The following RNF4 variants were observed in gnomAD, a reference collection of about 807,000 sequenced individuals.
RNF4 encodes E3 ubiquitin-protein ligase RNF4.
In RNF4, 7 loss-of-function variants were observed where a neutral mutation model predicts 24.3. The ratio of observed to expected loss-of-function variants is 0.29; its 90% CI spans 0.16 to 0.54. The LOEUF (loss-of-function observed/expected upper bound fraction) is 0.54. RNF4 is among the 20% of genes least tolerant of loss of function. The probability of loss-of-function intolerance (pLI) is 0.95; values close to 1 mark genes in which losing one functional copy is unlikely to be tolerated. For synonymous variants in RNF4, 83 were observed against 84.3 expected (o/e 0.98, Z 0.09); for missense variants, 209 against 248.5 (o/e 0.84, Z 1.07).
At chr4:2,510,679 C>T (rs559663400) in intron 4 of RNF4, among the ~76,000 whole-genome samples, 61 of 152,360 alleles carry the variant, frequency 4.0e-4, no homozygotes, top group African/African-American at 1.3e-3. Context: ...GCAGGATGTC[C>T]TGCCCAGGGG....
intron 1 of RNF4, among the ~76,000 whole-genome samples, chr4:2,483,896 G>A (rs919100543): frequency 5.9e-5 from 9 of 151,480 alleles, no homozygotes; most frequent in Admixed American, 1.3e-4. Flanking sequence ...GCAATGGTGC[G>A]ATCTCGGCTC....
chr4:2,508,371 A>G (rs189790237), intron 4 of RNF4, among the ~76,000 whole-genome samples: 137 of 152,160 alleles, frequency 9.0e-4, no homozygotes, highest in Non-Finnish European at 1.6e-3. Context: ...CTCTGCACCT[A>G]TCTTCTGTGC....
intron 1 of RNF4, among the ~76,000 whole-genome samples, chr4:2,490,064 C>T (rs1735535096): frequency 6.6e-6 from 1 of 152,104 alleles, no homozygotes; most frequent in South Asian, 2.1e-4. Context: ...CACCTCCTCC[C>T]AGCAGTTAGC....
chr4:2,512,713 T>A lies in RNF4; in HGVS notation c.374+116T>A. Reference sequence around the variant, plus strand: ...CCCTGGAAGGGCTTGCCCAAGCCTCTACCCAGCATCTGGATACAGTTGGAA... The same window carrying A: ...CCCTGGAAGGGCTTGCCCAAGCCTCAACCCAGCATCTGGATACAGTTGGAA... On this transcript the variant is annotated intron_variant, in intron 6 of 7. Transcript: ENST00000314289. This position sits in a 1 kb window ranked among gnomAD's most constrained non-coding sequence, Gnocchi z 4.1. 8.3e-7 allele frequency: 1 copy of A among 1,210,902 alleles called. No individual in the cohort carries two copies. Among genetic ancestry groups the A allele is most frequent in the Non-Finnish European group, 1.1e-6 (1 of 876,566 alleles). 75.0% of individuals were successfully genotyped at this position (1,210,902 alleles called of 1,614,324 possible). A position where few individuals can be genotyped will look rare whatever the true frequency, so the allele number is the denominator to read the frequency against.
chr4:2,479,026 C>T (rs1369098987), intron 1 of RNF4, among the ~76,000 whole-genome samples: 1 of 152,202 alleles, frequency 6.6e-6, no homozygotes, highest in Admixed American at 6.5e-5. Context: ...GGGAACTCAC[C>T]TCTTGGATCA....
intron 1 of RNF4, 85 bp downstream of exon 1, chr4:2,469,343 C>T (rs904892298): frequency 1.3e-4 from 20 of 152,312 alleles, no homozygotes; most frequent in African/African-American, 4.6e-4. Context: ...GGGAGCCGCG[C>T]TGCGCGGCTT....
At chr4:2,482,202 T>C (rs1469737871) in intron 1 of RNF4, among the ~76,000 whole-genome samples, 2 of 152,206 alleles carry the variant, frequency 1.3e-5, no homozygotes, top group African/African-American at 2.4e-5. Context: ...GAATTCCCAT[T>C]GTGGGGCACT....
At chr4:2,501,984 C>G (rs1735924770) in intron 4 of RNF4, among the ~76,000 whole-genome samples, 1 of 152,156 alleles carries the variant, frequency 6.6e-6, no homozygotes, top group Non-Finnish European at 1.5e-5. Flanking sequence ...GTGGTCCCTG[C>G]TTAGGTCTCA....
Position 2,500,686 on chromosome 4 carries a change from G to A in RNF4, c.152G>A (p.Cys51Tyr). ...GGAGATGAAATTGTGGACCTCACTT[G>A]TGAATCTTTAGAGCCTGTGGTGGTT... Reference protein sequence around the residue: ...TAGDEIVDLTCESLEPVVVDL... With the variant: ...TAGDEIVDLTYESLEPVVVDL... Residue 51 changes from cysteine (C) to tyrosine (Y), a missense_variant, in exon 4 of 8, where the codon TGT (cysteine) becomes TAT (tyrosine). Cys to Tyr is a radical substitution (Grantham distance 194, BLOSUM62 -2). Transcript: ENST00000314289. The A allele has an allele frequency of 6.2e-7, 1 of 1,613,900 alleles. No individual in the cohort carries two copies. Among genetic ancestry groups the A allele is most frequent in the Non-Finnish European group, 8.5e-7 (1 of 1,179,840 alleles).
At chr4:2,488,229 G>A (rs190644205) in intron 1 of RNF4, among the ~76,000 whole-genome samples, 6 of 152,238 alleles carry the variant, frequency 3.9e-5, no homozygotes, top group Admixed American at 1.3e-4. Context: ...TTGGGAAGCC[G>A]AGGCAAGTGG....
chr4:2,513,531 C>A, intron 7 of RNF4, 139 bp from the exon 8 acceptor site: 3 of 988,536 alleles, frequency 3.0e-6, no homozygotes, highest in Non-Finnish European at 4.4e-6. Context: ...GTTAGCTCTC[C>A]AGACCCCTCC....
chr4:2,475,978 T>C (rs1193851872), intron 1 of RNF4, among the ~76,000 whole-genome samples: 2 of 152,248 alleles, frequency 1.3e-5, no homozygotes, highest in Non-Finnish European at 2.9e-5. Flanking sequence ...CCAATGTTTC[T>C]AGAAACTTCA....
chr4:2,492,109 G>A (rs1419184311), intron 2 of RNF4, among the ~76,000 whole-genome samples: 8 of 151,796 alleles, frequency 5.3e-5, no homozygotes, highest in Non-Finnish European at 1.0e-4. Context: ...TGAGGCAGGA[G>A]AATGGCATGA....
At chr4:2,471,267 C>A (rs970877500) in intron 1 of RNF4, among the ~76,000 whole-genome samples, 8 of 152,130 alleles carry the variant, frequency 5.3e-5, no homozygotes, top group Admixed American at 1.3e-4. Flanking sequence ...ATGCCCAGCC[C>A]CAAACCTTTT....
chr4:2,477,936 T>C (rs1735130260), intron 1 of RNF4, among the ~76,000 whole-genome samples: 1 of 151,866 alleles, frequency 6.6e-6, no homozygotes, highest in Non-Finnish European at 1.5e-5. Flanking sequence ...GACAGGAAAA[T>C]GTGGGAAAGT....
chr4:2,509,778 A>G (rs1736214769), intron 4 of RNF4, among the ~76,000 whole-genome samples: 1 of 152,160 alleles, frequency 6.6e-6, no homozygotes, highest in Admixed American at 6.5e-5. Flanking sequence ...GCGCACTGTC[A>G]TGGCTGGGGC....
At chr4:2,473,919 A>C (rs1457327327) in intron 1 of RNF4, among the ~76,000 whole-genome samples, 1 of 152,128 alleles carries the variant, frequency 6.6e-6, no homozygotes, top group Admixed American at 6.6e-5. Context: ...TAAAAATACA[A>C]AAATTAGCTG....
chr4:2,489,807 C>T (rs1395601858), intron 1 of RNF4: 1 of 152,324 alleles, frequency 6.6e-6, no homozygotes, highest in Non-Finnish European at 1.5e-5. Context: ...TGCCTTTCCT[C>T]AAAGCTTCTG....
chr4:2,471,302 C>G (rs1578493117), intron 1 of RNF4, among the ~76,000 whole-genome samples: 1 of 152,162 alleles, frequency 6.6e-6, no homozygotes, highest in African/African-American at 2.4e-5. Flanking sequence ...TTATAGTGAC[C>G]TGTGATCAAT....
Sources: allele counts gnomAD v4.1 joint callset (sites outside exome capture counted in the v4.1 genomes callset), GRCh38; gene constraint gnomAD v4.1.1; non-coding constraint Gnocchi (gnomAD v3.1); transcripts MANE v1.5; gene names NCBI Gene and HGNC (gene_info 2026-07-23, HGNC 2026-07-21).